MCF2L2: variants seen among roughly 807,000 people sequenced by gnomAD.
MCF2L2 encodes probable guanine nucleotide exchange factor MCF2L2.
A neutral mutation model predicts 150.2 loss-of-function variants in MCF2L2; 102 were observed. The ratio of observed to expected loss-of-function variants is 0.68; its 90% CI spans 0.58 to 0.80. The LOEUF is 0.80. Ranked by LOEUF, MCF2L2 falls within the 30% of genes least tolerant of loss-of-function variation. MCF2L2 has a pLI of 0.00. For synonymous variants in MCF2L2, 465 were observed against 491.3 expected (o/e 0.95, Z 0.71); for missense variants, 1,256 against 1,372.8 (o/e 0.91, Z 1.34).
chr3:183,366,583 C>T (rs1274488308), intron 3 of MCF2L2, among the ~76,000 whole-genome samples: 22 of 152,176 alleles, frequency 1.4e-4, no homozygotes, highest in Admixed American at 1.2e-3. Flanking sequence ...GGGGCAAAGG[C>T]TGCAGTGAGC....
intron 20 of MCF2L2, among the ~76,000 whole-genome samples, chr3:183,221,031 C>T (rs1723129892): frequency 6.6e-6 from 1 of 152,226 alleles, no homozygotes; most frequent in African/African-American, 2.4e-5. Flanking sequence ...GTCCAACATT[C>T]ATGCTCTTTC....
At chr3:183,314,543 T>A (rs1280342062) in intron 7 of MCF2L2, among the ~76,000 whole-genome samples, 1 of 152,082 alleles carries the variant, frequency 6.6e-6, no homozygotes. Flanking sequence ...ACCAGACACA[T>A]ATACCTAAGA....
At chr3:183,218,458 G>C (rs1328445544) in intron 21 of MCF2L2, among the ~76,000 whole-genome samples, 1 of 152,038 alleles carries the variant, frequency 6.6e-6, no homozygotes, top group Non-Finnish European at 1.5e-5. Flanking sequence ...CCAACGTGGT[G>C]AAACCCCATC....
At chr3:183,344,139 AC>A (rs111584178) in intron 3 of MCF2L2, among the ~76,000 whole-genome samples, 30 of 150,644 alleles carry the variant, frequency 2.0e-4, no homozygotes, top group African/African-American at 6.1e-4. Context: ...CAAAACCACC[AC>A]CCCCCCCAAA....
intron 9 of MCF2L2, 26 bp from the exon 10 acceptor site, chr3:183,309,861 G>C: frequency 6.2e-7 from 1 of 1,611,962 alleles, no homozygotes; most frequent in South Asian, 1.1e-5. Context: ...GAACAGTCCA[G>C]AAGTAAACCA....
intron 2 of MCF2L2, 117 bp from the exon 3 acceptor site, chr3:183,379,528 T>A: frequency 1.5e-6 from 1 of 686,170 alleles, no homozygotes; most frequent in Non-Finnish European, 2.5e-6. Flanking sequence ...TATCTCAGAC[T>A]AGAATTTGGG....
Position 183,193,026 on chromosome 3 carries a change from G to A in MCF2L2, c.2989C>T (p.Pro997Ser). ...TTAATCCCTCCTGTGCTGGAGGCCG[G>A]GTCTTCCTTGCTAGTGGTAGCTCTT... The part of the protein sequence containing the change: ...MERATTSKED[P>S]ASSTGGIKGC... The change falls in exon 27 of 30, where the codon CCG becomes TCG. Residue 997 changes from proline (P) to serine (S), a missense_variant. Transcript: ENST00000328913. 1 of 1,614,006 alleles carries A rather than the reference G, an allele frequency of 6.2e-7. No individual in the cohort carries two copies. Among genetic ancestry groups the A allele is most frequent in the Non-Finnish European group, 8.5e-7 (1 of 1,179,970 alleles).
At chr3:183,373,327 T>G (rs1712998077) in intron 3 of MCF2L2, 1 of 152,210 alleles carries the variant, frequency 6.6e-6, no homozygotes, top group Non-Finnish European at 1.5e-5. Context: ...AATTCAATAG[T>G]TCCTTATGTA....
chr3:183,216,563 T>C (rs973282232), intron 21 of MCF2L2, among the ~76,000 whole-genome samples: 1 of 3,030 alleles, frequency 3.3e-4, no homozygotes, highest in African/African-American at 1.0e-3. Context: ...TATATATATA[T>C]ATATATATAT....
At chr3:183,400,432 C>T in intron 1 of MCF2L2, 1 of 456,628 alleles carries the variant, frequency 2.2e-6, no homozygotes, top group South Asian at 1.5e-5. Flanking sequence ...GTTATCCGCA[C>T]CAAGGTGTAA....
intron 15 of MCF2L2, among the ~76,000 whole-genome samples, chr3:183,249,772 C>T (rs956414082): frequency 2.6e-5 from 4 of 152,188 alleles, no homozygotes; most frequent in African/African-American, 7.2e-5. Flanking sequence ...TCAAAGGAGA[C>T]GTACACAGGG....
intron 25 of MCF2L2, among the ~76,000 whole-genome samples, chr3:183,202,876 G>A (rs1357448795): frequency 6.6e-6 from 1 of 152,128 alleles, no homozygotes; most frequent in Non-Finnish European, 1.5e-5. Flanking sequence ...ATAAGAAAAT[G>A]CAGTCCATAC....
At chr3:183,419,589 G>T (rs1458854797) in intron 1 of MCF2L2, among the ~76,000 whole-genome samples, 1 of 152,094 alleles carries the variant, frequency 6.6e-6, no homozygotes, top group Admixed American at 6.5e-5. Context: ...ATACTTTGCT[G>T]TGGCTGGGCA....
chr3:183,205,270 G>A (rs1445326649), intron 25 of MCF2L2, among the ~76,000 whole-genome samples: 4 of 152,074 alleles, frequency 2.6e-5, no homozygotes, highest in African/African-American at 7.2e-5. Flanking sequence ...CCAGCTATTC[G>A]GGAGGCTGAG....
Position 183,215,862 on chromosome 3 carries a change from T to C in MCF2L2, c.2496+107A>G, listed in dbSNP as rs898955622. On this transcript the variant is annotated intron_variant, in intron 22 of 29. Coordinates refer to ENST00000328913, the MANE Select transcript of MCF2L2 (RefSeq NM_015078.4). ...TTAGGCGACTGTCCTCAGAGTCCAATTCCTTTACCATAGACGATCTCTCTG... is the reference window on the plus strand; with the variant it reads ...TTAGGCGACTGTCCTCAGAGTCCAACTCCTTTACCATAGACGATCTCTCTG... The C allele has an allele frequency of 2.9e-6, 4 of 1,360,912 alleles. No individual in the cohort carries two copies. The African/African-American group carries it at 4.4e-5, about 15-fold the overall frequency. 84.3% of individuals were successfully genotyped at this position (1,360,912 alleles called of 1,614,324 possible).
At chr3:183,226,432 A>G (rs1723347595) in intron 18 of MCF2L2, 1 of 151,536 alleles carries the variant, frequency 6.6e-6, no homozygotes, top group Non-Finnish European at 1.5e-5. Flanking sequence ...ACAGAGCGAG[A>G]CTCCGTCTCA....
chr3:183,346,840 C>A (rs2108547481), intron 3 of MCF2L2, among the ~76,000 whole-genome samples: 1 of 152,254 alleles, frequency 6.6e-6, no homozygotes, highest in Middle Eastern at 3.4e-3. Context: ...CCTAGAAATA[C>A]AACTTACAAG....
At chr3:183,187,749 G>A (rs1576906875) in intron 27 of MCF2L2, among the ~76,000 whole-genome samples, 1 of 152,220 alleles carries the variant, frequency 6.6e-6, no homozygotes, top group Non-Finnish European at 1.5e-5. Flanking sequence ...TTACAGGCGT[G>A]AGCCACCGCG....
chr3:183,214,279 G>T (rs1164609390), intron 22 of MCF2L2, among the ~76,000 whole-genome samples: 1 of 152,162 alleles, frequency 6.6e-6, no homozygotes, highest in African/African-American at 2.4e-5. Flanking sequence ...CTCAGGCGAA[G>T]AAAGAAGAAT....
Sources: allele counts gnomAD v4.1 joint callset (sites outside exome capture counted in the v4.1 genomes callset), GRCh38; gene constraint gnomAD v4.1.1; transcripts MANE v1.5; gene names NCBI Gene and HGNC (gene_info 2026-07-23, HGNC 2026-07-21).